The following PECAM1 variants were observed in gnomAD, a reference collection of about 807,000 sequenced individuals.
PECAM1 encodes the protein platelet and endothelial cell adhesion molecule 1, also known as platelet endothelial cell adhesion molecule.
In PECAM1, 8 loss-of-function variants were observed where a neutral mutation model predicts 13.8. That is an observed-to-expected ratio of 0.58 (90% CI 0.34 to 1.05). The LOEUF (loss-of-function observed/expected upper bound fraction) is 1.05. PECAM1 is among the 50% of genes least tolerant of loss of function. PECAM1 has a pLI of 0.03. For synonymous variants in PECAM1, 136 were observed against 52.6 expected, an observed-to-expected ratio of 2.58 and a Z score of -6.86; for missense variants, 304 against 141.2, an observed-to-expected ratio of 2.15 and a Z score of -5.84.
chr17:64,344,741 T>C (rs1358867930), intron 13 of PECAM1, among the ~76,000 whole-genome samples: 1 of 152,112 alleles, frequency 6.6e-6, no homozygotes, highest in African/African-American at 2.4e-5. Flanking sequence ...AGGGAACACC[T>C]GAGGCTCAGG....
chr17:64,336,275 A>T (rs1184656627), intron 14 of PECAM1, among the ~76,000 whole-genome samples: 1 of 151,434 alleles, frequency 6.6e-6, no homozygotes, highest in African/African-American at 2.4e-5. Context: ...TCAAAAAAAA[A>T]AAAAAAGAAA....
chr17:64,347,640 AAAT>A (rs1438448069), intron 13 of PECAM1, among the ~76,000 whole-genome samples: 14 of 139,252 alleles, frequency 1.0e-4, no homozygotes, highest in African/African-American at 3.6e-4. Flanking sequence ...AAAATATATA[AAAT>A]ATTATAAAAT....
At chr17:64,335,858 T>C (rs1474630998) in intron 14 of PECAM1, among the ~76,000 whole-genome samples, 2 of 151,992 alleles carry the variant, frequency 1.3e-5, no homozygotes, top group East Asian at 1.9e-4. Flanking sequence ...ACAATCAACA[T>C]GGAACAAAAG....
intron 12 of PECAM1, among the ~76,000 whole-genome samples, chr17:64,348,914 G>T (rs1304454016): frequency 2.0e-5 from 3 of 152,166 alleles, no homozygotes; most frequent in African/African-American, 7.2e-5. Context: ...GATGTGGAGG[G>T]ACCCTCTGGC....
At chr17:64,350,216 G>A (rs1445846451) in intron 12 of PECAM1, among the ~76,000 whole-genome samples, 164 bp downstream of exon 12, 1 of 152,066 alleles carries the variant, frequency 6.6e-6, no homozygotes, top group Non-Finnish European at 1.5e-5. Flanking sequence ...AGCATCTCTG[G>A]TGAAAGCAGC....
chr17:64,340,878 A>C (rs1309532802), intron 14 of PECAM1, among the ~76,000 whole-genome samples: 2 of 152,232 alleles, frequency 1.3e-5, no homozygotes, highest in Middle Eastern at 6.8e-3. Flanking sequence ...CGCGCGGATT[A>C]CCTGAGGTTG....
rs1482929235 is a variant in PECAM1 at position 64,364,924 on chromosome 17, C to A, written c.968-1527G>T. The stretch of plus-strand genomic sequence containing the variant: ...TGAAAACTGGCACAAGACAGGGATG[C>A]CTTCTCTCACCACTCCTATTCAACA... On this transcript the variant is annotated intron_variant, in intron 5 of 15. Coordinates refer to ENST00000563924, the MANE Select transcript of PECAM1 (RefSeq NM_000442.5). Among the ~76,000 whole-genome samples the A allele has an allele frequency of 2.0e-5, 3 of 150,484 alleles. No individual in the cohort carries two copies. The Admixed American group carries it at 2.0e-4, about 10-fold the overall frequency.
rs1173116225 is a variant in PECAM1, at chr17:64,377,910, C to T, written c.299G>A (p.Arg100Gln). 4 of 475,092 alleles carry T rather than the reference C, an allele frequency of 8.4e-6. No homozygotes were observed. The highest frequency in any genetic ancestry group is 7.7e-6 in the Non-Finnish European group (2 of 259,038). The allele number at this position is 475,092 out of a possible 1,614,324, so 29.4% of individuals were successfully genotyped here. The change falls in exon 3 of 16, where the codon CGG (arginine) becomes CAG (glutamine). Residue 100 changes from arginine (R) to glutamine (Q), a missense_variant. Physicochemically the swap from Arg to Gln is conservative, Grantham distance 43. Coordinates refer to ENST00000563924, the MANE Select transcript of PECAM1 (RefSeq NM_000442.5). ...STESYFIPEV[R>Q]IYDSGTYKCT... ...TTTATATGTCCCTGAGTCATAGATC[C>T]GGACTTCAGGAATAAAATAACTCTC...
intron 15 of PECAM1, among the ~76,000 whole-genome samples, chr17:64,326,633 G>A (rs942221233): frequency 3.3e-5 from 5 of 152,100 alleles, no homozygotes; most frequent in Admixed American, 6.5e-5. Flanking sequence ...AGACACCTCC[G>A]CTCTCTCTCT....
intron 13 of PECAM1, among the ~76,000 whole-genome samples, chr17:64,344,037 A>T (rs1414025405): frequency 6.6e-6 from 1 of 152,194 alleles, no homozygotes; most frequent in African/African-American, 2.4e-5. Flanking sequence ...GTGCACAAAC[A>T]ACGCAGACAC....
rs954197992 is a variant in PECAM1, at chr17:64,323,231, T to A, written c.*585A>T. ...TGAATGAACGGTGTCTTCAGGTTGG[T>A]ATTTCACAGGCGGTGCTCCCAAGTA... On this transcript the variant is annotated 3_prime_UTR_variant, in exon 16 of 16. Coordinates refer to ENST00000563924, the MANE Select transcript of PECAM1 (RefSeq NM_000442.5). 3.2e-5 allele frequency: 32 copies of A among 990,924 alleles called. No individual in the cohort carries two copies. The highest frequency in any genetic ancestry group is 3.8e-5 in the Non-Finnish European group (32 of 833,298). The allele number at this position is 990,924 out of a possible 1,614,324, so 61.4% of individuals were successfully genotyped here.
intron 4 of PECAM1, 101 bp from the exon 5 acceptor site, chr17:64,370,126 G>A: frequency 2.5e-6 from 1 of 397,802 alleles, no homozygotes; most frequent in Non-Finnish European, 4.4e-6. Context: ...AACTTCTATT[G>A]TTCCTAACTA....
chr17:64,346,062 C>A (rs1008865250), intron 13 of PECAM1, among the ~76,000 whole-genome samples: 3 of 152,130 alleles, frequency 2.0e-5, no homozygotes, highest in Non-Finnish European at 2.9e-5. Context: ...GCTGGCACGG[C>A]CTGGAAAACT....
chr17:64,321,843 G>A lies in PECAM1; in HGVS notation c.*1973C>T, dbSNP rs782123889. 4.4e-6 allele frequency: 6 copies of A among 1,349,486 alleles called. No homozygotes were observed. The highest frequency in any genetic ancestry group is 4.6e-5 in the East Asian group (1 of 21,858). The allele number at this position is 1,349,486 out of a possible 1,614,324, so 83.6% of individuals were successfully genotyped here. On this transcript the variant is annotated 3_prime_UTR_variant, in exon 16 of 16. Coordinates refer to ENST00000563924, the MANE Select transcript of PECAM1 (RefSeq NM_000442.5). Reference sequence around the variant, plus strand: ...TAGGAATAGGGTCTTTGCAGCTCCCGTGGCAATTGCCCTTCTCTGGTGGTG... The same window carrying A: ...TAGGAATAGGGTCTTTGCAGCTCCCATGGCAATTGCCCTTCTCTGGTGGTG...
chr17:64,338,738 T>C (rs1283505043), intron 14 of PECAM1, among the ~76,000 whole-genome samples: 8 of 152,062 alleles, frequency 5.3e-5, no homozygotes, highest in African/African-American at 1.7e-4. Context: ...TTTGTATTTT[T>C]AGTAGAGACG....
chr17:64,345,850 A>T (rs2035552986), intron 13 of PECAM1, among the ~76,000 whole-genome samples: 1 of 151,834 alleles, frequency 6.6e-6, no homozygotes, highest in Admixed American at 6.6e-5. Context: ...TTCTGTTGGT[A>T]GGCTATGGGA....
At chr17:64,338,892 C>A (rs1215323315) in intron 14 of PECAM1, among the ~76,000 whole-genome samples, 1 of 152,164 alleles carries the variant, frequency 6.6e-6, no homozygotes, top group African/African-American at 2.4e-5. Context: ...TGCTAACCAC[C>A]CCTTTGAGTT....
At chr17:64,347,978 G>A (rs964539617) in intron 13 of PECAM1, among the ~76,000 whole-genome samples, 3 of 151,984 alleles carry the variant, frequency 2.0e-5, no homozygotes, top group East Asian at 1.9e-4. Flanking sequence ...TGATCCACCC[G>A]CCTTGGCCTC....
At chr17:64,361,182 G>A (rs1431017709) in intron 6 of PECAM1, among the ~76,000 whole-genome samples, 37 of 141,774 alleles carry the variant, frequency 2.6e-4, no homozygotes, top group Admixed American at 1.8e-3. Flanking sequence ...GTCTTGCTCT[G>A]TCACCCAGGC....
Sources: gnomAD v4.1 joint callset for allele counts (sites outside exome capture counted in the v4.1 genomes callset) on GRCh38, gnomAD v4.1.1 for gene constraint, MANE v1.5 for transcripts, NCBI Gene and HGNC (gene_info 2026-07-23, HGNC 2026-07-21) for gene names.